MKNK2: variants seen among roughly 807,000 people sequenced by gnomAD.
MKNK2 encodes the protein MAP kinase-interacting serine/threonine-protein kinase 2.
A neutral mutation model predicts 55.0 loss-of-function variants in MKNK2; 54 were observed. That is an observed-to-expected ratio of 0.98 (90% CI 0.79 to 1.23). The LOEUF (loss-of-function observed/expected upper bound fraction) is 1.23, where lower values mean the gene tolerates loss of function less well. Among genes scored for constraint, MKNK2 ranks in the 50% most tolerant of loss-of-function variants. MKNK2 has a pLI of 0.00. For synonymous variants in MKNK2, 323 were observed against 256.0 expected (o/e 1.26, Z -2.50); for missense variants, 685 against 632.1 (o/e 1.08, Z -0.90).
chr19:2,046,164 C>T, intron 5 of MKNK2, 22 bp downstream of exon 5: 1 of 1,605,088 alleles, frequency 6.2e-7, no homozygotes, highest in Non-Finnish European at 8.5e-7. Context: ...GCTGGGTTCC[C>T]CAGGGCGCGG....
chr19:2,048,190 A>G (rs1382508769), intron 2 of MKNK2, among the ~76,000 whole-genome samples: 1 of 150,720 alleles, frequency 6.6e-6, no homozygotes, highest in African/African-American at 2.4e-5. Context: ...CCTGGGGGCC[A>G]GGATTCAAAT....
In MKNK2 at chr19:2,041,938, C is replaced by G; in HGVS notation, c.847G>C (p.Val283Leu). The G allele has an allele frequency of 6.4e-7, 1 of 1,554,350 alleles. No individual in the cohort carries two copies. Among genetic ancestry groups the G allele is most frequent in the African/African-American group, 1.4e-5 (1 of 73,136 alleles). The change falls in exon 11 of 14, where the codon GTC becomes CTC. Residue 283 changes from valine to leucine, a missense_variant. By Grantham distance (32) the Val-to-Leu change is conservative. Transcript: ENST00000250896. Reference protein sequence around the residue: ...DKRCDLWSLGVILYILLSGYP... With the variant: ...DKRCDLWSLGLILYILLSGYP... ...CCGCTGAGTAGGATATACAAGATGACGCCCAGGCTCCACAGGTCGCAGCGC... is the reference window on the plus strand; with the variant it reads ...CCGCTGAGTAGGATATACAAGATGAGGCCCAGGCTCCACAGGTCGCAGCGC...
intron 2 of MKNK2, 65 bp from the exon 3 acceptor site, chr19:2,046,756 T>C: frequency 7.6e-6 from 10 of 1,312,264 alleles, no homozygotes; most frequent in Non-Finnish European, 1.0e-5. Context: ...GGGAGACCTA[T>C]CCTGCCCCAG....
In MKNK2 at chr19:2,037,474, A is replaced by G; in HGVS notation, c.*2139T>C. The G allele has an allele frequency of 3.5e-6, 1 of 283,122 alleles. No homozygotes were observed. The allele number at this position is 283,122 out of a possible 1,614,324, so 17.5% of individuals were successfully genotyped here. ...AAAACTAAAACTCAGGCACACAGCA[A>G]GTTTTTTGACTTTTATTAAATCTTT... On this transcript the variant is annotated 3_prime_UTR_variant, in exon 14 of 14. Transcript: ENST00000250896.
At chr19:2,041,244 G>C (rs759070570) in intron 11 of MKNK2, 40 bp from the exon 12 acceptor site, 1 of 1,582,188 alleles carries the variant, frequency 6.3e-7, no homozygotes, top group Non-Finnish European at 8.6e-7. Context: ...ACCTGCCCAA[G>C]GGCCTGGATA....
In MKNK2 at chr19:2,050,899, G is replaced by C; in HGVS notation, c.-48C>G. ...GGGGGAGGGGACCGAGGGCCCGGGG[G>C]GAGGCCCGAGGGCGGGCGGCCGGGC... On this transcript the variant is annotated 5_prime_UTR_variant, in exon 2 of 14. Transcript: ENST00000250896. 7.0e-7 allele frequency: 1 copy of C among 1,437,358 alleles called. No homozygotes were observed. The highest frequency in any genetic ancestry group is 1.5e-5 in the African/African-American group (1 of 67,152). 89.0% of individuals were successfully genotyped at this position (1,437,358 alleles called of 1,614,324 possible).
chr19:2,046,652 G>T lies in MKNK2; in HGVS notation c.91C>A (p.Pro31Thr). ...CCAAAGTCAGAGTCTCCGTGGTCGG[G>T]CTGGTCTAGGGAGAAGGCCAGCTCG... is the stretch of plus-strand genomic sequence containing the variant. ...PFELAFSLDQPDHGDSDFGLQ... is the reference protein window; with the variant it reads ...PFELAFSLDQTDHGDSDFGLQ... The change falls in exon 3 of 14, where the codon CCC becomes ACC. Residue 31 changes from proline to threonine, a missense_variant. Coordinates refer to ENST00000250896, the MANE Select transcript of MKNK2 (RefSeq NM_199054.3). 6.4e-7 allele frequency: 1 copy of T among 1,560,892 alleles called. No individual in the cohort carries two copies. Among genetic ancestry groups the T allele is most frequent in the Non-Finnish European group, 8.7e-7 (1 of 1,154,142 alleles).
intron 2 of MKNK2, among the ~76,000 whole-genome samples, chr19:2,049,460 A>C (rs2017066615): frequency 6.6e-6 from 1 of 152,188 alleles, no homozygotes; most frequent in South Asian, 2.1e-4. Context: ...CTCCTCCACC[A>C]AGACGCCCAC....
At position 2,042,491 on chromosome 19, in the gene MKNK2, A is replaced by T; in HGVS notation, c.686T>A (p.Leu229Gln). 6.3e-7 allele frequency: 1 copy of T among 1,597,422 alleles called. No individual in the cohort carries two copies. Among genetic ancestry groups the T allele is most frequent in the Non-Finnish European group, 8.5e-7 (1 of 1,173,470 alleles). Residue 229 changes from leucine to glutamine, a missense_variant, in exon 10 of 14, where the codon CTG (leucine) becomes CAG (glutamine). Physicochemically the swap from Leu to Gln is moderately radical, Grantham distance 113 (BLOSUM62 -2). Transcript: ENST00000250896. The part of the protein sequence containing the change: ...VSPVKICDFD[L>Q]GSGIKLNGDC... ...CCCGTTGAGTTTGATGCCGCTGCCCAGGTCGAAGTCACAGATCTTCACGGG... is the reference window on the plus strand; with the variant it reads ...CCCGTTGAGTTTGATGCCGCTGCCCTGGTCGAAGTCACAGATCTTCACGGG...
chr19:2,037,561 G>C lies in MKNK2; in HGVS notation c.*2052C>G. On this transcript the variant is annotated 3_prime_UTR_variant, in exon 14 of 14. Transcript: ENST00000250896. ...GTGTAAAGGAAAACTTCTGAGCTCC[G>C]TCAGTTCACCTGGTACATTGGAATT... 1 of 436,506 alleles carries C rather than the reference G, an allele frequency of 2.3e-6. No homozygotes were observed. Among genetic ancestry groups the C allele is most frequent in the Non-Finnish European group, 4.0e-6 (1 of 249,600 alleles). The allele number at this position is 436,506 out of a possible 1,614,324, so 27.0% of individuals were successfully genotyped here. A position where few individuals can be genotyped will look rare whatever the true frequency, so the allele number is the denominator to read the frequency against.
chr19:2,038,684 G>A lies in MKNK2; in HGVS notation c.*929C>T, dbSNP rs142187689. On this transcript the variant is annotated 3_prime_UTR_variant, in exon 14 of 14. Transcript: ENST00000250896. Reference sequence around the variant, plus strand: ...CCCGAGGGGCGGCGCGAGGCAGGACGTGGCTACGGTCAGACTGAGCCCTGA... The same window carrying A: ...CCCGAGGGGCGGCGCGAGGCAGGACATGGCTACGGTCAGACTGAGCCCTGA... 1,274 of 985,766 alleles carry A rather than the reference G, an allele frequency of 1.3e-3. 11 individuals are homozygous for A. The African/African-American group carries it at 0.02, about 15-fold the overall frequency. 61.1% of individuals were successfully genotyped at this position (985,766 alleles called of 1,614,324 possible).
rs749159900 is a variant in MKNK2 at position 2,037,835 on chromosome 19, GA to G, written c.*1777del. The G allele has an allele frequency of 4.7e-3, 5,989 of 1,270,570 alleles. 2 individuals are homozygous for G. The highest frequency in any genetic ancestry group is 0.011 in the East Asian group (394 of 34,592). The allele number at this position is 1,270,570 out of a possible 1,614,324, so 78.7% of individuals were successfully genotyped here. ...GGAGGAAGTGACTGTCCCACCTTCA[GA>G]AAAAAAAAAAAAAACAAACAAACAA... is the stretch of plus-strand genomic sequence containing the variant. On this transcript the variant is annotated 3_prime_UTR_variant, in exon 14 of 14. Transcript: ENST00000250896.
At chr19:2,044,713 G>T (rs1427082666) in intron 5 of MKNK2, among the ~76,000 whole-genome samples, 1 of 152,236 alleles carries the variant, frequency 6.6e-6, no homozygotes, top group Non-Finnish European at 1.5e-5. Context: ...ACAACTGGAC[G>T]CCAGGGTGTC....
intron 2 of MKNK2, among the ~76,000 whole-genome samples, chr19:2,047,067 T>C (rs1192259313): frequency 2.6e-5 from 4 of 152,336 alleles, no homozygotes; most frequent in Middle Eastern, 3.4e-3. Context: ...CCCAAAGTGC[T>C]GGGATCACAG....
intron 8 of MKNK2, 30 bp from the exon 9 acceptor site, chr19:2,042,692 G>C (rs1479874833): frequency 1.3e-6 from 2 of 1,555,978 alleles, no homozygotes; most frequent in Non-Finnish European, 8.7e-7. Context: ...ACCACGACGG[G>C]GTGAGGGTCT....
chr19:2,039,178 G>T lies in MKNK2; in HGVS notation c.*435C>A. ...AATACTGCGGGCTGGGAGGGAACAC[G>T]AGGGCAGGGTCCTGTGCCCCTCCCC... On this transcript the variant is annotated 3_prime_UTR_variant, in exon 14 of 14. Transcript: ENST00000250896. 1 of 1,005,344 alleles carries T rather than the reference G, an allele frequency of 9.9e-7. No individual in the cohort carries two copies. Among genetic ancestry groups the T allele is most frequent in the Admixed American group, 5.6e-5 (1 of 17,738 alleles). 62.3% of individuals were successfully genotyped at this position (1,005,344 alleles called of 1,614,324 possible).
rs1015242363 is a variant in MKNK2 at position 2,037,968 on chromosome 19, T to A, written c.*1645A>T. 4.1e-5 allele frequency: 56 copies of A among 1,381,648 alleles called. No individual in the cohort carries two copies. The African/African-American group carries it at 7.0e-4, about 17-fold the overall frequency. The allele number at this position is 1,381,648 out of a possible 1,614,324, so 85.6% of individuals were successfully genotyped here. A position where few individuals can be genotyped will look rare whatever the true frequency, so the allele number is the denominator to read the frequency against. On this transcript the variant is annotated 3_prime_UTR_variant, in exon 14 of 14. Transcript: ENST00000250896. ...TACAAAAAGGCAGAGAATCCCCCGT[T>A]ACGAAACATGGAATCACTGACAGGC...
At chr19:2,044,405 T>C (rs1019842964) in intron 5 of MKNK2, among the ~76,000 whole-genome samples, 1 of 152,184 alleles carries the variant, frequency 6.6e-6, no homozygotes, top group Admixed American at 6.5e-5. Context: ...AGGAAGCCAC[T>C]CTACTGCCCC....
chr19:2,050,506 G>A (rs2017091286), intron 2 of MKNK2, among the ~76,000 whole-genome samples: 1 of 152,208 alleles, frequency 6.6e-6, no homozygotes, highest in Non-Finnish European at 1.5e-5. Context: ...GGGCTTGCAG[G>A]GGACACACAG....
Sources: gnomAD v4.1 joint callset for allele counts (sites outside exome capture counted in the v4.1 genomes callset) on GRCh38, gnomAD v4.1.1 for gene constraint, MANE v1.5 for transcripts, NCBI Gene and HGNC (gene_info 2026-07-23, HGNC 2026-07-21) for gene names.